Variants in CPEB3 observed in about 807,000 individuals in gnomAD.
The protein encoded by CPEB3 is cytoplasmic polyadenylation element-binding protein 3.
In CPEB3, 20 loss-of-function variants were observed where a neutral mutation model predicts 67.2. That is an observed-to-expected ratio of 0.30 (90% confidence interval 0.21 to 0.43). CPEB3 has a LOEUF of 0.43. CPEB3 is among the 20% of genes least tolerant of loss of function. The pLI, the probability that CPEB3 is intolerant of heterozygous loss-of-function variation, is 1.00. For missense variants in CPEB3, 746 were observed against 968.6 expected (o/e 0.77, Z 3.05); for synonymous variants, 376 against 393.1 (o/e 0.96, Z 0.51).
chr10:92,166,294 A>C (rs1847741676), intron 4 of CPEB3, among the ~76,000 whole-genome samples: 1 of 152,014 alleles, frequency 6.6e-6, no homozygotes, highest in South Asian at 2.1e-4. Context: ...TTTTTAGTAG[A>C]GATGAGGTTT....
intron 4 of CPEB3, among the ~76,000 whole-genome samples, chr10:92,149,939 A>G (rs1169183151): frequency 1.3e-5 from 2 of 152,234 alleles, no homozygotes; most frequent in East Asian, 3.8e-4. Context: ...TGTGTGAAGT[A>G]TATGCAGCCC....
intron 4 of CPEB3, among the ~76,000 whole-genome samples, chr10:92,146,128 AAG>A (rs1226354544): frequency 1.3e-5 from 2 of 152,194 alleles, no homozygotes; most frequent in Non-Finnish European, 2.9e-5. Flanking sequence ...GAAATGAAAA[AAG>A]AATTATTTTC....
rs532140888 is a variant in CPEB3 at position 92,164,261 on chromosome 10, G to A, written c.1222+16702C>T. ...TACAGCTACTAAGCAGCAGAGCTGG[G>A]ACTGAATCCAGGTTTAGTCTGGCTC... On this transcript the variant is annotated intron_variant, in intron 4 of 9. Coordinates refer to ENST00000265997, the MANE Select transcript of CPEB3 (RefSeq NM_014912.5). Among the ~76,000 whole-genome samples, 4 of 152,264 alleles carry A rather than the reference G, an allele frequency of 2.6e-5. No individual in the cohort carries two copies. In the South Asian group the frequency reaches 6.2e-4, roughly 24 times the overall value.
intron 2 of CPEB3, among the ~76,000 whole-genome samples, chr10:92,208,271 T>C (rs1047790335): frequency 6.6e-5 from 10 of 152,196 alleles, no homozygotes; most frequent in South Asian, 2.1e-4. Flanking sequence ...GGGTAAAGAT[T>C]CAAGGCTACA....
At chr10:92,281,578 CACA>C (rs1192391779) in intron 1 of CPEB3, among the ~76,000 whole-genome samples, 1 of 151,950 alleles carries the variant, frequency 6.6e-6, no homozygotes, top group African/African-American at 2.4e-5. Context: ...AATAGTGTGC[CACA>C]AAAAAGCAAC....
At chr10:92,121,385 T>TTA (rs1327449280) in intron 6 of CPEB3, among the ~76,000 whole-genome samples, 16 of 138,924 alleles carry the variant, frequency 1.2e-4, no homozygotes, top group African/African-American at 2.2e-4. Flanking sequence ...ATATAATATA[T>TTA]TATATATATA....
At position 92,129,520 on chromosome 10, in the gene CPEB3, G is replaced by C. The variant is rs1845747202; in HGVS notation, c.1453+13509C>G. On this transcript the variant is annotated intron_variant, in intron 6 of 9. Coordinates refer to ENST00000265997, the MANE Select transcript of CPEB3 (RefSeq NM_014912.5). ...TCTGCTGGGATGGTTCTGCTGTTCTGTTGGGATTATTCTTATTGTTTATAA... is the reference window on the plus strand; with the variant it reads ...TCTGCTGGGATGGTTCTGCTGTTCTCTTGGGATTATTCTTATTGTTTATAA... Among the ~76,000 whole-genome samples, 3 of 152,166 alleles carry C rather than the reference G, an allele frequency of 2.0e-5. No individual in the cohort carries two copies. In the South Asian group the frequency reaches 6.2e-4, roughly 32 times the overall value.
chr10:92,201,293 C>T (rs1849512508), intron 2 of CPEB3, among the ~76,000 whole-genome samples: 2 of 152,006 alleles, frequency 1.3e-5, no homozygotes, highest in African/African-American at 4.8e-5. Context: ...TTTGGGAGGC[C>T]GAGGCGGGCG....
chr10:92,065,435 G>A lies in CPEB3; in HGVS notation c.1870-12996C>T, dbSNP rs181964442. 1.7e-3 allele frequency among the ~76,000 whole-genome samples: 260 copies of A among 152,220 alleles called. 1 individual carries two copies. Among genetic ancestry groups the A allele is most frequent in the Middle Eastern group, 3.4e-3 (1 of 294 alleles). On this transcript the variant is annotated intron_variant, in intron 9 of 9. Coordinates refer to ENST00000265997, the MANE Select transcript of CPEB3 (RefSeq NM_014912.5). Reference sequence around the variant, plus strand: ...GGGGTTTCACCATGTTGGCCAGGCTGTTCTTGAACTCCTGGCCTCAAGTGA... The same window carrying A: ...GGGGTTTCACCATGTTGGCCAGGCTATTCTTGAACTCCTGGCCTCAAGTGA...
chr10:92,111,271 T>C (rs554468609), intron 6 of CPEB3, 77 bp from the exon 7 acceptor site: 2 of 989,942 alleles, frequency 2.0e-6, no homozygotes, highest in African/African-American at 3.2e-5. Context: ...AAATTATCTG[T>C]TGTTTCATTT....
intron 2 of CPEB3, among the ~76,000 whole-genome samples, chr10:92,232,242 A>G (rs1339636332): frequency 6.7e-6 from 1 of 150,020 alleles, no homozygotes; most frequent in African/African-American, 2.5e-5. Context: ...TTTAGTAGAG[A>G]CAGGGTTTCA....
At chr10:92,091,146 A>C (rs1238223540) in intron 8 of CPEB3, among the ~76,000 whole-genome samples, 1 of 152,194 alleles carries the variant, frequency 6.6e-6, no homozygotes, top group Non-Finnish European at 1.5e-5. Flanking sequence ...TTTAGGTAGA[A>C]CTAAGTCTAT....
chr10:92,246,669 C>G (rs547499123), intron 1 of CPEB3, among the ~76,000 whole-genome samples: 45 of 151,986 alleles, frequency 3.0e-4, no homozygotes, highest in African/African-American at 1.1e-3. Context: ...CCACCACGCC[C>G]AGCTAATTTT....
At chr10:92,216,455 C>T (rs1850401209) in intron 2 of CPEB3, 26 of 1,612,694 alleles carry the variant, frequency 1.6e-5, no homozygotes, top group Non-Finnish European at 2.0e-5. Context: ...GGCTTCTCGC[C>T]GCCTCAAGCG....
chr10:92,182,051 T>C (rs550381930), intron 3 of CPEB3, among the ~76,000 whole-genome samples: 86 of 152,226 alleles, frequency 5.6e-4, no homozygotes, highest in African/African-American at 2.0e-3. Context: ...TTCAACAAAA[T>C]AGTTATTGAA....
At chr10:92,167,915 A>T (rs1024995678) in intron 4 of CPEB3, among the ~76,000 whole-genome samples, 3 of 152,148 alleles carry the variant, frequency 2.0e-5, no homozygotes, top group African/African-American at 7.2e-5. Flanking sequence ...TCTCAAAAAA[A>T]ATAAAATAAA....
intron 2 of CPEB3, among the ~76,000 whole-genome samples, chr10:92,237,419 T>G (rs1449043655): frequency 6.6e-6 from 1 of 152,250 alleles, no homozygotes; most frequent in African/African-American, 2.4e-5. Flanking sequence ...TCCAGTCCAT[T>G]TGGCTCTTAT....
At chr10:92,135,607 T>A (rs1005563287) in intron 6 of CPEB3, among the ~76,000 whole-genome samples, 1 of 152,164 alleles carries the variant, frequency 6.6e-6, no homozygotes, top group African/African-American at 2.4e-5. Flanking sequence ...GTGTGGCAAT[T>A]CCTCAAGGAT....
intron 6 of CPEB3, chr10:92,137,132 T>C (rs975211609): frequency 9.4e-6 from 3 of 320,520 alleles, no homozygotes; most frequent in South Asian, 4.2e-5. Flanking sequence ...CTGCAGTAGA[T>C]TGAATTAGAT....
Sources: gnomAD v4.1 joint callset for allele counts (sites outside exome capture counted in the v4.1 genomes callset) on GRCh38, gnomAD v4.1.1 for gene constraint, MANE v1.5 for transcripts, NCBI Gene and HGNC (gene_info 2026-07-23, HGNC 2026-07-21) for gene names.